SYT16: variants seen among roughly 807,000 people sequenced by gnomAD.
SYT16 encodes synaptotagmin 16.
SYT16 carries 42 observed loss-of-function variants against 61.4 expected under a neutral mutation model. The ratio of observed to expected loss-of-function variants is 0.68; its 90% CI spans 0.53 to 0.89. SYT16 has a LOEUF of 0.89. Among genes scored for constraint, SYT16 ranks in the 40% least tolerant of loss-of-function variants. The pLI, the probability that SYT16 is intolerant of heterozygous loss-of-function variation, is 0.00. For synonymous variants in SYT16, 314 were observed against 302.3 expected, an observed-to-expected ratio of 1.04 and a Z score of -0.40; for missense variants, 804 against 807.3, an observed-to-expected ratio of 1.00 and a Z score of 0.05.
intron 1 of SYT16, among the ~76,000 whole-genome samples, chr14:61,925,743 A>AC (rs2049510514): frequency 6.6e-6 from 1 of 152,010 alleles, no homozygotes; most frequent in East Asian, 1.9e-4. Flanking sequence ...CTCCCTTTTC[A>AC]CCTAAATTGA....
intron 3 of SYT16, among the ~76,000 whole-genome samples, chr14:62,008,149 C>T (rs2053299368): frequency 6.6e-6 from 1 of 151,942 alleles, no homozygotes; most frequent in Admixed American, 6.6e-5. Flanking sequence ...TCCTCTTCTT[C>T]CCTCTTCCAT....
intron 2 of SYT16, among the ~76,000 whole-genome samples, chr14:61,993,162 A>C (rs1357912734): frequency 6.6e-6 from 1 of 151,818 alleles, no homozygotes; most frequent in East Asian, 1.9e-4. Flanking sequence ...ATGAAAACAA[A>C]GTTTTCTACC....
intron 2 of SYT16, among the ~76,000 whole-genome samples, chr14:61,980,864 G>C (rs1351953711): frequency 1.3e-5 from 2 of 152,114 alleles, no homozygotes; most frequent in Non-Finnish European, 2.9e-5. Flanking sequence ...CTCATTGCTG[G>C]GCAGAAAAAC....
intron 1 of SYT16, among the ~76,000 whole-genome samples, chr14:61,891,864 C>A (rs1187637699): frequency 6.6e-6 from 1 of 152,116 alleles, no homozygotes; most frequent in Non-Finnish European, 1.5e-5. Flanking sequence ...AATTATGTGT[C>A]CATGTTTTGA....
At chr14:62,039,118 C>T (rs1302681791) in intron 3 of SYT16, among the ~76,000 whole-genome samples, 1 of 152,138 alleles carries the variant, frequency 6.6e-6, no homozygotes, top group Non-Finnish European at 1.5e-5. Context: ...TGCTTCACTC[C>T]TCCTCTTCTT....
In SYT16 at chr14:61,844,369, C is replaced by T. The variant is rs2046380997; in HGVS notation, c.-325+31559C>T. ...ACTTCTTCCTTTCCAATTTGGATGC[C>T]CTTTATTTCTTTCTCTTGTCTGATT... On this transcript the variant is annotated intron_variant, in intron 1 of 7. Coordinates refer to ENST00000683842, the MANE Select transcript of SYT16 (RefSeq NM_001367656.1). 3.3e-5 allele frequency among the ~76,000 whole-genome samples: 5 copies of T among 151,968 alleles called. No individual in the cohort carries two copies. The South Asian group carries it at 1.0e-3, about 32-fold the overall frequency.
chr14:62,080,729 G>A (rs958632989), intron 5 of SYT16, 105 bp from the exon 6 acceptor site: 1 of 1,143,752 alleles, frequency 8.7e-7, no homozygotes, highest in Non-Finnish European at 1.2e-6. Flanking sequence ...TACACTGGCA[G>A]TTAGAAAGCA....
At chr14:62,090,832 G>A (rs1414058600) in intron 7 of SYT16, among the ~76,000 whole-genome samples, 2 of 152,124 alleles carry the variant, frequency 1.3e-5, no homozygotes, top group African/African-American at 4.8e-5. Flanking sequence ...ACGTGGCTAG[G>A]GAGGCCTCAC....
At chr14:61,876,121 T>G (rs540771485) in intron 1 of SYT16, among the ~76,000 whole-genome samples, 53 of 152,348 alleles carry the variant, frequency 3.5e-4, no homozygotes, top group African/African-American at 1.3e-3. Flanking sequence ...TTACTAGGGA[T>G]ATTTATTTCA....
At chr14:61,872,683 T>A (rs1016316784) in intron 1 of SYT16, among the ~76,000 whole-genome samples, 1 of 152,330 alleles carries the variant, frequency 6.6e-6, no homozygotes, top group Admixed American at 6.5e-5. Context: ...GGTGTTGGGC[T>A]GCTAAGACCC....
chr14:61,858,859 C>CTTTTTTTT (rs541030567), intron 1 of SYT16, among the ~76,000 whole-genome samples: 1 of 138,916 alleles, frequency 7.2e-6, no homozygotes, highest in African/African-American at 2.7e-5. Context: ...CTTTTCTTTT[C>CTTTTTTTT]TTTTTTTTTT....
chr14:62,027,036 T>A (rs1168990981), intron 3 of SYT16, among the ~76,000 whole-genome samples: 3 of 152,190 alleles, frequency 2.0e-5, no homozygotes, highest in Non-Finnish European at 4.4e-5. Context: ...ATGATGCTGA[T>A]GTCTTCATTG....
rs9652287 is a variant in SYT16 at position 62,097,690 on chromosome 14, G to A, written c.1625-2704G>A. 2.5e-3 allele frequency among the ~76,000 whole-genome samples: 386 copies of A among 152,220 alleles called. 4 individuals carry two copies. The highest frequency in any genetic ancestry group is 8.3e-3 in the African/African-American group (346 of 41,530). On this transcript the variant is annotated intron_variant, in intron 7 of 7. Coordinates refer to ENST00000683842, the MANE Select transcript of SYT16 (RefSeq NM_001367656.1). ...TTTAAGATTATTATTATTTCTCTGC[G>A]TTATACACATACAATCCAACTTCAG...
At chr14:61,847,018 A>G (rs917188970) in intron 1 of SYT16, among the ~76,000 whole-genome samples, 2 of 152,122 alleles carry the variant, frequency 1.3e-5, no homozygotes, top group Non-Finnish European at 2.9e-5. Flanking sequence ...TACTGTCTAC[A>G]TTTTGAAAAG....
At chr14:61,916,668 T>A (rs1054717860) in intron 1 of SYT16, among the ~76,000 whole-genome samples, 21 of 152,150 alleles carry the variant, frequency 1.4e-4, no homozygotes, top group African/African-American at 4.6e-4. Flanking sequence ...TGCTGTGCTA[T>A]CGAACAGTGG....
At chr14:62,038,166 C>T (rs180892756) in intron 3 of SYT16, among the ~76,000 whole-genome samples, 107 of 151,132 alleles carry the variant, frequency 7.1e-4, no homozygotes, top group Non-Finnish European at 4.4e-5. Context: ...GTTTCGCTTG[C>T]AGGCATCTCT....
At chr14:61,812,681 G>A (rs1594663037), upstream of SYT16, 1 of 146,488 alleles carries the variant, frequency 6.8e-6, no homozygotes, top group African/African-American at 2.4e-5. Flanking sequence ...CGGCAGGAGG[G>A]GCTGTGCGCG....
intron 1 of SYT16, among the ~76,000 whole-genome samples, chr14:61,865,799 T>C (rs1258892315): frequency 2.0e-5 from 3 of 152,202 alleles, no homozygotes; most frequent in African/African-American, 7.2e-5. Flanking sequence ...TGAGATGTAA[T>C]GTGACAGGAT....
At chr14:62,041,626 C>A (rs531893818) in intron 3 of SYT16, among the ~76,000 whole-genome samples, 2 of 152,306 alleles carry the variant, frequency 1.3e-5, no homozygotes, top group South Asian at 4.1e-4. Context: ...CTGCCTCAGC[C>A]TCCTGAGTAG....
Sources: gnomAD v4.1 joint callset for allele counts (sites outside exome capture counted in the v4.1 genomes callset) on GRCh38, gnomAD v4.1.1 for gene constraint, MANE v1.5 for transcripts, NCBI Gene and HGNC (gene_info 2026-07-23, HGNC 2026-07-21) for gene names.